ZFYVE28: variants seen among roughly 807,000 people sequenced by gnomAD.
ZFYVE28 encodes zinc finger FYVE-type containing 28.
A neutral mutation model predicts 82.1 loss-of-function variants in ZFYVE28; 40 were observed. The ratio of observed to expected loss-of-function variants is 0.49; its 90% CI spans 0.38 to 0.63. The LOEUF (loss-of-function observed/expected upper bound fraction) is 0.63. Among genes scored for constraint, ZFYVE28 ranks in the 30% least tolerant of loss-of-function variants. The probability of loss-of-function intolerance (pLI) is 0.00; values close to 1 mark genes in which losing one functional copy is unlikely to be tolerated. For synonymous variants in ZFYVE28, 612 were observed against 546.1 expected, an observed-to-expected ratio of 1.12 and a Z score of -1.68; for missense variants, 1,321 against 1,242.1, an observed-to-expected ratio of 1.06 and a Z score of -0.96.
chr4:2,334,116 A>G (rs1721177974), intron 6 of ZFYVE28, among the ~76,000 whole-genome samples: 1 of 152,098 alleles, frequency 6.6e-6, no homozygotes, highest in South Asian at 2.1e-4. Context: ...GCGCGATGTG[A>G]GGCTCACTCT....
chr4:2,366,328 C>G (rs1016108783), intron 1 of ZFYVE28, among the ~76,000 whole-genome samples: 1 of 152,214 alleles, frequency 6.6e-6, no homozygotes, highest in African/African-American at 2.4e-5. Context: ...CAAAGCTGCA[C>G]GTGGGCCTCC....
chr4:2,411,699 A>G (rs1328492854), intron 1 of ZFYVE28, among the ~76,000 whole-genome samples: 1 of 152,208 alleles, frequency 6.6e-6, no homozygotes, highest in Admixed American at 6.5e-5. Flanking sequence ...TTGAGACCCC[A>G]TTTGTAAAAC....
chr4:2,412,331 C>A (rs1180426842), intron 1 of ZFYVE28, among the ~76,000 whole-genome samples: 1 of 152,206 alleles, frequency 6.6e-6, no homozygotes, highest in African/African-American at 2.4e-5. Context: ...AAGTCCCCGC[C>A]TGCTTACACC....
At chr4:2,365,774 G>A (rs1422768742) in intron 1 of ZFYVE28, among the ~76,000 whole-genome samples, 1 of 152,190 alleles carries the variant, frequency 6.6e-6, no homozygotes, top group Admixed American at 6.5e-5. Context: ...CAAGCTCTGA[G>A]AGTCACCCCT....
chr4:2,283,100 T>TCATCCATCCATCCATC (rs60881791), intron 8 of ZFYVE28, among the ~76,000 whole-genome samples: 78,632 of 147,860 alleles, frequency 0.53, 21,218 homozygotes, highest in Admixed American at 0.58. Flanking sequence ...CTTGTAAAAG[T>TCATCCATCCATCCATC]CATCCATCCA....
chr4:2,271,533 G>T, intron 11 of ZFYVE28, 119 bp from the exon 12 acceptor site: 2 of 1,418,644 alleles, frequency 1.4e-6, no homozygotes, highest in Non-Finnish European at 2.0e-6. Flanking sequence ...CCTCCAGCCA[G>T]CCTCCGGGGG....
chr4:2,276,565 G>C (rs1184273792), intron 8 of ZFYVE28, among the ~76,000 whole-genome samples: 1 of 152,134 alleles, frequency 6.6e-6, no homozygotes. Flanking sequence ...TCAGGTGTCT[G>C]TTGGCAGAGG....
Position 2,408,672 on chromosome 4 carries a change from G to T in ZFYVE28, c.39+9613C>A, listed in dbSNP as rs186211665. 6.6e-6 allele frequency among the ~76,000 whole-genome samples: 1 copy of T among 152,208 alleles called. No individual in the cohort carries two copies. Among genetic ancestry groups the T allele is most frequent in the Admixed American group, 6.5e-5 (1 of 15,296 alleles). On this transcript the variant is annotated intron_variant, in intron 1 of 12. Transcript: ENST00000290974. The surrounding 1 kb of genome is among the most constrained non-coding windows in gnomAD (Gnocchi z 4.3). ...CCCCATCCAGATAGAGTCCCGCCCA[G>T]ATGAGTACCACCCAGGTAAGCCTGC...
intron 8 of ZFYVE28, among the ~76,000 whole-genome samples, chr4:2,276,459 C>CA (rs1008506045): frequency 6.6e-5 from 10 of 152,230 alleles, no homozygotes; most frequent in Admixed American, 5.9e-4. Context: ...TCGGTACCCC[C>CA]AGCCTCATCA....
At chr4:2,369,724 G>A (rs952770320) in intron 1 of ZFYVE28, among the ~76,000 whole-genome samples, 2 of 151,888 alleles carry the variant, frequency 1.3e-5, no homozygotes, top group Non-Finnish European at 2.9e-5. Context: ...CGGCAACACC[G>A]GGAGCTGGAG....
chr4:2,340,909 C>T (rs941598814), intron 3 of ZFYVE28, among the ~76,000 whole-genome samples: 1 of 151,828 alleles, frequency 6.6e-6, no homozygotes, highest in African/African-American at 2.4e-5. Flanking sequence ...GAGAGGGTGG[C>T]GGTGTCGGGG....
intron 1 of ZFYVE28, among the ~76,000 whole-genome samples, chr4:2,397,209 C>T (rs142748805): frequency 7.4e-4 from 113 of 152,328 alleles, no homozygotes; most frequent in African/African-American, 2.3e-3. Flanking sequence ...CAGTGGCTCA[C>T]GCCTATAATC....
At position 2,364,543 on chromosome 4, in the gene ZFYVE28, C is replaced by A. The variant is rs142933926; in HGVS notation, c.40-10470G>T. 5.4e-5 allele frequency: 53 copies of A among 985,508 alleles called. No homozygotes were observed. In the East Asian group the frequency reaches 6.0e-3, roughly 112 times the overall value. 61.0% of individuals were successfully genotyped at this position (985,508 alleles called of 1,614,324 possible). On this transcript the variant is annotated intron_variant, in intron 1 of 12. Transcript: ENST00000290974. ...CTCCACAGCCCAGACGCAACAGGAG[C>A]CACGTGGGAAGGGAATTTAGACGGT...
intron 7 of ZFYVE28, among the ~76,000 whole-genome samples, chr4:2,308,693 A>AAAGAAAGAAAAAG (rs1334322366): frequency 6.8e-5 from 8 of 117,298 alleles, no homozygotes; most frequent in African/African-American, 2.8e-4. Context: ...GAAAGAAAAG[A>AAAGAAAGAAAAAG]AAAGAAAAGA....
intron 1 of ZFYVE28, among the ~76,000 whole-genome samples, chr4:2,383,188 T>G (rs1243080297): frequency 2.6e-5 from 4 of 152,202 alleles, no homozygotes; most frequent in Non-Finnish European, 4.4e-5. Flanking sequence ...GGTTTGGCTG[T>G]GTCTCCACCC....
At chr4:2,275,434 T>G (rs1736330527) in intron 8 of ZFYVE28, among the ~76,000 whole-genome samples, 1 of 152,276 alleles carries the variant, frequency 6.6e-6, no homozygotes, top group South Asian at 2.1e-4. Flanking sequence ...TCTTGACGTT[T>G]AAATTTCTGC....
At chr4:2,298,366 CTG>C (rs1714978947) in intron 8 of ZFYVE28, among the ~76,000 whole-genome samples, 2 of 152,302 alleles carry the variant, frequency 1.3e-5, no homozygotes, top group South Asian at 2.1e-4. Context: ...TATGACAAAA[CTG>C]AGGCTCAGGC....
chr4:2,293,019 T>C (rs7681318), intron 8 of ZFYVE28, among the ~76,000 whole-genome samples: 87,004 of 151,824 alleles, frequency 0.57, 25,389 homozygotes, highest in Admixed American at 0.61. Flanking sequence ...ATTACATTAA[T>C]AGGCTAAACA....
intron 8 of ZFYVE28, among the ~76,000 whole-genome samples, chr4:2,283,646 C>A (rs932785112): frequency 3.9e-5 from 6 of 152,206 alleles, no homozygotes; most frequent in Non-Finnish European, 7.3e-5. Flanking sequence ...CAACTATGAT[C>A]CAGGAATTGC....
Sources: allele counts gnomAD v4.1 joint callset (sites outside exome capture counted in the v4.1 genomes callset), GRCh38; gene constraint gnomAD v4.1.1; non-coding constraint Gnocchi (gnomAD v3.1); transcripts MANE v1.5; gene names NCBI Gene and HGNC (gene_info 2026-07-23, HGNC 2026-07-21).